FMNL2: variants seen among roughly 807,000 people sequenced by gnomAD.
FMNL2 encodes the protein formin-like protein 2.
FMNL2 carries 51 observed loss-of-function variants against 130.2 expected under a neutral mutation model. That is an observed-to-expected ratio of 0.39 (90% CI 0.31 to 0.49). The LOEUF (loss-of-function observed/expected upper bound fraction) is 0.49, where lower values mean the gene tolerates loss of function less well. Among genes scored for constraint, FMNL2 ranks in the 20% least tolerant of loss-of-function variants. FMNL2 has a pLI of 0.85. For missense variants in FMNL2, 977 were observed against 1,316.2 expected, an observed-to-expected ratio of 0.74 and a Z score of 3.99; for synonymous variants, 465 against 467.1, an observed-to-expected ratio of 1.00 and a Z score of 0.06.
intron 25 of FMNL2, among the ~76,000 whole-genome samples, chr2:152,646,746 C>CT (rs1559039543): frequency 5.3e-5 from 8 of 152,028 alleles, no homozygotes; most frequent in East Asian, 1.9e-4. Flanking sequence ...TGTATTCTAG[C>CT]AGAAGTCAAC....
chr2:152,453,744 C>T (rs1036502325), intron 1 of FMNL2, among the ~76,000 whole-genome samples: 4 of 152,102 alleles, frequency 2.6e-5, no homozygotes, highest in Non-Finnish European at 2.9e-5. Context: ...ATGCTGTCTG[C>T]GAGGGCACAG....
chr2:152,534,128 G>A (rs1007040052), intron 2 of FMNL2, among the ~76,000 whole-genome samples: 1 of 152,302 alleles, frequency 6.6e-6, no homozygotes. Flanking sequence ...TTAAATAAAA[G>A]CAAGTGGTAA....
intron 4 of FMNL2, 28 bp downstream of exon 4, chr2:152,549,125 T>G: frequency 2.7e-6 from 4 of 1,504,776 alleles, no homozygotes; most frequent in Non-Finnish European, 3.6e-6. Flanking sequence ...ACATCTTAGC[T>G]CTAAAGCTTT....
chr2:152,368,898 A>C (rs578148403), intron 1 of FMNL2, among the ~76,000 whole-genome samples: 8 of 126,834 alleles, frequency 6.3e-5, no homozygotes, highest in Non-Finnish European at 9.8e-5. Context: ...GGAATAGTTC[A>C]ATTTTGCATG....
At chr2:152,356,490 C>T (rs955598566) in intron 1 of FMNL2, among the ~76,000 whole-genome samples, 2 of 152,100 alleles carry the variant, frequency 1.3e-5, no homozygotes, top group African/African-American at 4.8e-5. Context: ...TACAGTTGAT[C>T]CTCATTATAT....
At chr2:152,536,551 A>C (rs1015966476) in intron 2 of FMNL2, among the ~76,000 whole-genome samples, 1 of 152,226 alleles carries the variant, frequency 6.6e-6, no homozygotes, top group African/African-American at 2.4e-5. Flanking sequence ...GTTACTATCT[A>C]AAATGAATTA....
rs995353191 is a variant in FMNL2, at chr2:152,649,793, C to T, written c.*1888C>T. On this transcript the variant is annotated 3_prime_UTR_variant, in exon 26 of 26. Coordinates refer to ENST00000288670, the MANE Select transcript of FMNL2 (RefSeq NM_052905.4). ...TGTTACTTTTCTGGTCTTTTCATGG[C>T]ATATGAGCAAATAATAAACTATTTA... is the stretch of plus-strand genomic sequence containing the variant. 3 of 152,596 alleles carry T rather than the reference C, an allele frequency of 2.0e-5. No individual in the cohort carries two copies. Among genetic ancestry groups the T allele is most frequent in the Non-Finnish European group, 4.4e-5 (3 of 68,028 alleles). The allele number at this position is 152,596 out of a possible 1,614,324, so 9.5% of individuals were successfully genotyped here.
intron 7 of FMNL2, among the ~76,000 whole-genome samples, chr2:152,576,037 G>A (rs943951963): frequency 1.3e-5 from 2 of 152,112 alleles, no homozygotes; most frequent in Non-Finnish European, 2.9e-5. Flanking sequence ...AGTTTAATTA[G>A]GTCAGCAAAG....
intron 1 of FMNL2, among the ~76,000 whole-genome samples, chr2:152,342,863 A>G (rs1158722350): frequency 2.0e-5 from 3 of 152,198 alleles, no homozygotes; most frequent in African/African-American, 4.8e-5. Context: ...ATTCAGCCCT[A>G]TTTACCAGGT....
intron 1 of FMNL2, among the ~76,000 whole-genome samples, chr2:152,476,003 T>G (rs1013688255): frequency 6.6e-6 from 1 of 152,252 alleles, no homozygotes; most frequent in Non-Finnish European, 1.5e-5. Context: ...GCAATTATGT[T>G]TCTAGTGAGT....
chr2:152,380,339 C>G (rs1177904512), intron 1 of FMNL2, among the ~76,000 whole-genome samples: 1 of 152,212 alleles, frequency 6.6e-6, no homozygotes, highest in Non-Finnish European at 1.5e-5. Flanking sequence ...GACGTAGCAA[C>G]TGAAATATTT....
intron 3 of FMNL2, among the ~76,000 whole-genome samples, chr2:152,546,135 CGT>C (rs1694618064): frequency 2.6e-5 from 4 of 152,106 alleles, no homozygotes; most frequent in Non-Finnish European, 5.9e-5. Flanking sequence ...TGATGGCATA[CGT>C]AAGGGATGAC....
At chr2:152,615,111 G>A in intron 12 of FMNL2, 111 bp downstream of exon 12, 1 of 1,136,618 alleles carries the variant, frequency 8.8e-7, no homozygotes, top group Non-Finnish European at 1.3e-6. Flanking sequence ...ATAGGAATAG[G>A]CCATACCCTG....
At chr2:152,516,464 G>T (rs1692776130) in intron 1 of FMNL2, among the ~76,000 whole-genome samples, 1 of 152,202 alleles carries the variant, frequency 6.6e-6, no homozygotes, top group South Asian at 2.1e-4. Context: ...CAAAGTCCAT[G>T]TTTTTTCTCT....
chr2:152,546,717 G>C (rs981895075), intron 3 of FMNL2, among the ~76,000 whole-genome samples: 1 of 152,118 alleles, frequency 6.6e-6, no homozygotes, highest in Non-Finnish European at 1.5e-5. Flanking sequence ...TCTGACACGG[G>C]AGTGGCCACA....
intron 1 of FMNL2, among the ~76,000 whole-genome samples, chr2:152,462,051 G>A (rs909687582): frequency 2.6e-5 from 4 of 152,086 alleles, no homozygotes; most frequent in African/African-American, 4.8e-5. Context: ...GTGTACCATC[G>A]TGCCCTGCTA....
At chr2:152,559,575 G>T (rs908876388) in intron 5 of FMNL2, among the ~76,000 whole-genome samples, 1 of 152,114 alleles carries the variant, frequency 6.6e-6, no homozygotes, top group African/African-American at 2.4e-5. Context: ...AAAGTGTTGG[G>T]ATTTCAGGTG....
rs371455442 is a variant in FMNL2 at position 152,485,735 on chromosome 2, C to T, written c.118-36208C>T. 7.2e-5 allele frequency among the ~76,000 whole-genome samples: 11 copies of T among 152,250 alleles called. No individual in the cohort carries two copies. In the East Asian group the frequency reaches 1.2e-3, roughly 16 times the overall value. The stretch of plus-strand genomic sequence containing the variant: ...CATGAAGGTGAAAGCCAGTGATTCT[C>T]CTTGAAGAAGGGTATTGTTCTGTGC... On this transcript the variant is annotated intron_variant, in intron 1 of 25. Transcript: ENST00000288670.
intron 25 of FMNL2, among the ~76,000 whole-genome samples, chr2:152,646,936 C>T (rs1460805988): frequency 6.6e-6 from 1 of 152,160 alleles, no homozygotes; most frequent in African/African-American, 2.4e-5. Context: ...GTATAAAATT[C>T]CTCTGCTCCT....
Sources: gnomAD v4.1 joint callset for allele counts (sites outside exome capture counted in the v4.1 genomes callset) on GRCh38, gnomAD v4.1.1 for gene constraint, MANE v1.5 for transcripts, NCBI Gene and HGNC (gene_info 2026-07-23, HGNC 2026-07-21) for gene names.